Variants in SND1 observed in about 807,000 individuals in gnomAD.
SND1 encodes staphylococcal nuclease domain-containing protein 1.
In SND1, 38 loss-of-function variants were observed where a neutral mutation model predicts 121.7. The observed-to-expected ratio is 0.31, with a 90% confidence interval of 0.24 to 0.41. SND1 has a LOEUF of 0.41. Among genes scored for constraint, SND1 ranks in the 10% least tolerant of loss-of-function variants. SND1 has a pLI of 1.00. For missense variants in SND1, 868 were observed against 1,184.6 expected, an observed-to-expected ratio of 0.73 and a Z score of 3.92; for synonymous variants, 401 against 447.4, an observed-to-expected ratio of 0.90 and a Z score of 1.31.
intron 15 of SND1, among the ~76,000 whole-genome samples, chr7:127,987,166 T>C (rs1047955838): frequency 3.3e-5 from 5 of 152,224 alleles, no homozygotes; most frequent in African/African-American, 1.2e-4. Flanking sequence ...TCACTTCATA[T>C]TTACAGTCTG....
chr7:127,690,944 G>A (rs948747377), intron 2 of SND1, among the ~76,000 whole-genome samples: 1 of 152,160 alleles, frequency 6.6e-6, no homozygotes, highest in Non-Finnish European at 1.5e-5. Context: ...CTTAAGTCCT[G>A]TGGCAATGAA....
At position 128,059,819 on chromosome 7, in the gene SND1, G is replaced by T. The variant is rs535118035; in HGVS notation, c.1780-14683G>T. On this transcript the variant is annotated intron_variant, in intron 16 of 23. Coordinates refer to ENST00000354725, the MANE Select transcript of SND1 (RefSeq NM_014390.4). ...TGCTGCTCAGAAACAAAAGAGCCCT[G>T]CCAAGCACAGTCTTCCCCAGGAATC... Among the ~76,000 whole-genome samples, 3 of 152,310 alleles carry T rather than the reference G, an allele frequency of 2.0e-5. No individual in the cohort carries two copies. The South Asian group carries it at 6.2e-4, about 32-fold the overall frequency.
At chr7:127,992,486 T>C (rs1364462741) in intron 16 of SND1, among the ~76,000 whole-genome samples, 1 of 152,234 alleles carries the variant, frequency 6.6e-6, no homozygotes, top group African/African-American at 2.4e-5. Context: ...TAAAAGCAGG[T>C]GAGTCTGTTC....
intron 11 of SND1, among the ~76,000 whole-genome samples, chr7:127,844,123 G>A (rs1000021083): frequency 6.6e-6 from 1 of 152,274 alleles, no homozygotes; most frequent in South Asian, 2.1e-4. Flanking sequence ...TTAGATAAAT[G>A]TTCTTTATTA....
At chr7:127,793,860 G>A (rs765798178) in intron 10 of SND1, among the ~76,000 whole-genome samples, 1 of 152,026 alleles carries the variant, frequency 6.6e-6, no homozygotes, top group Admixed American at 6.6e-5. Flanking sequence ...TGTTTACTAG[G>A]TGCAACCAAC....
chr7:127,830,949 C>T (rs1584604369), intron 11 of SND1, among the ~76,000 whole-genome samples: 1 of 152,170 alleles, frequency 6.6e-6, no homozygotes, highest in African/African-American at 2.4e-5. Context: ...TACATGAACC[C>T]TATTTTTCCA....
intron 2 of SND1, among the ~76,000 whole-genome samples, chr7:127,693,609 C>T (rs1196081421): frequency 6.6e-6 from 1 of 152,214 alleles, no homozygotes; most frequent in Non-Finnish European, 1.5e-5. Context: ...AAAAGGTTAA[C>T]AGAGGCTTCC....
chr7:127,992,723 C>T (rs1355310628), intron 16 of SND1, among the ~76,000 whole-genome samples: 1 of 152,178 alleles, frequency 6.6e-6, no homozygotes, highest in African/African-American at 2.4e-5. Context: ...TTCCCAACCA[C>T]CTTTCTTCCT....
chr7:127,863,342 A>C (rs1218597581), intron 12 of SND1, among the ~76,000 whole-genome samples: 1 of 152,138 alleles, frequency 6.6e-6, no homozygotes, highest in Non-Finnish European at 1.5e-5. Flanking sequence ...AAGCATTACA[A>C]ATGTTCCATG....
intron 15 of SND1, among the ~76,000 whole-genome samples, chr7:127,990,706 A>G (rs184726014): frequency 6.0e-4 from 92 of 152,308 alleles, no homozygotes; most frequent in African/African-American, 2.1e-3. Flanking sequence ...GATAATTCCC[A>G]GATGCTGTGG....
chr7:128,000,199 T>A (rs994708783), intron 16 of SND1: 2 of 152,010 alleles, frequency 1.3e-5, no homozygotes, highest in African/African-American at 4.8e-5. Flanking sequence ...TTAACTTCCT[T>A]CTGGAAGCCT....
At chr7:127,908,113 C>T (rs1056350322) in intron 14 of SND1, among the ~76,000 whole-genome samples, 2 of 152,024 alleles carry the variant, frequency 1.3e-5, no homozygotes, top group African/African-American at 4.8e-5. Context: ...CTGCATATAA[C>T]ACCAACTGAA....
In SND1 at chr7:127,731,182, G is replaced by A. The variant is rs1053928514; in HGVS notation, c.1152+9782G>A. 5.8e-4 allele frequency among the ~76,000 whole-genome samples: 89 copies of A among 152,236 alleles called. 1 individual carries two copies. Among genetic ancestry groups the A allele is most frequent in the African/African-American group, 2.0e-3 (82 of 41,472 alleles). The stretch of plus-strand genomic sequence containing the variant: ...CCATGGGTGGGGGCACTGCCCGCCC[G>A]ATTCTGGTTGGACCCCCTTTCCTCT... On this transcript the variant is annotated intron_variant, in intron 10 of 23. Transcript: ENST00000354725.
At chr7:127,705,245 A>C (rs974379512) in intron 8 of SND1, among the ~76,000 whole-genome samples, 2 of 152,128 alleles carry the variant, frequency 1.3e-5, no homozygotes, top group African/African-American at 4.8e-5. Flanking sequence ...GGTTTTAGAC[A>C]TTTGGAATGT....
At chr7:127,742,843 A>G (rs1796909531) in intron 10 of SND1, among the ~76,000 whole-genome samples, 1 of 152,268 alleles carries the variant, frequency 6.6e-6, no homozygotes, top group East Asian at 1.9e-4. Flanking sequence ...TTATGATAAG[A>G]TGCAAGAGGG....
At chr7:128,050,843 A>G (rs560926974) in intron 16 of SND1, among the ~76,000 whole-genome samples, 3 of 152,350 alleles carry the variant, frequency 2.0e-5, no homozygotes, top group East Asian at 3.9e-4. Flanking sequence ...GCCGTGATGA[A>G]GGGCTCTGGG....
intron 11 of SND1, among the ~76,000 whole-genome samples, chr7:127,812,347 C>T (rs535615672): frequency 6.6e-6 from 1 of 152,158 alleles, no homozygotes; most frequent in South Asian, 2.1e-4. Context: ...GCCCTCTAGA[C>T]AGTATCTCAT....
chr7:127,803,907 G>A (rs1563019255), intron 10 of SND1, among the ~76,000 whole-genome samples: 1 of 152,200 alleles, frequency 6.6e-6, no homozygotes, highest in Non-Finnish European at 1.5e-5. Context: ...TCATTGCAGG[G>A]CCTACATGCA....
chr7:127,842,581 G>A (rs527793914), intron 11 of SND1, among the ~76,000 whole-genome samples: 4 of 152,168 alleles, frequency 2.6e-5, no homozygotes, highest in African/African-American at 7.2e-5. Context: ...GTTGGTGTTG[G>A]GCTTAATTAG....
Sources: allele counts gnomAD v4.1 joint callset (sites outside exome capture counted in the v4.1 genomes callset), GRCh38; gene constraint gnomAD v4.1.1; transcripts MANE v1.5; gene names NCBI Gene and HGNC (gene_info 2026-07-23, HGNC 2026-07-21).